Variants in BAZ2B observed in about 807,000 individuals in gnomAD.
BAZ2B encodes the protein bromodomain adjacent to zinc finger domain protein 2B.
Under a neutral mutation model 246.0 loss-of-function variants are expected in BAZ2B, and 91 were observed. The ratio of observed to expected loss-of-function variants is 0.37; its 90% confidence interval spans 0.31 to 0.44. The LOEUF (loss-of-function observed/expected upper bound fraction) is 0.44. Ranked by LOEUF, BAZ2B falls within the 20% of genes least tolerant of loss-of-function variation. The probability of loss-of-function intolerance (pLI) is 1.00; values close to 1 mark genes in which losing one functional copy is unlikely to be tolerated. For synonymous variants in BAZ2B, 855 were observed against 860.0 expected, an observed-to-expected ratio of 0.99 and a Z score of 0.10; for missense variants, 2,332 against 2,533.7, an observed-to-expected ratio of 0.92 and a Z score of 1.71.
chr2:159,610,071 G>A (rs2151812016), intron 1 of BAZ2B, among the ~76,000 whole-genome samples: 1 of 152,146 alleles, frequency 6.6e-6, no homozygotes, highest in East Asian at 1.9e-4. Flanking sequence ...CATGCACTAG[G>A]TCCATTATCA....
intron 13 of BAZ2B, among the ~76,000 whole-genome samples, chr2:159,414,533 G>A (rs2067330054): frequency 6.6e-6 from 1 of 152,094 alleles, no homozygotes; most frequent in African/African-American, 2.4e-5. Context: ...AATATCTCAT[G>A]TGGCCGGGCG....
the BAZ2B span, among the ~76,000 whole-genome samples, chr2:159,622,228 G>A: frequency 8.2e-6 from 1 of 121,370 alleles, no homozygotes; most frequent in Non-Finnish European, 1.6e-5. Flanking sequence ...TTGTGTCACT[G>A]CACTCCAGCC....
the BAZ2B span, among the ~76,000 whole-genome samples, chr2:159,627,402 C>T: frequency 6.6e-6 from 1 of 151,614 alleles, no homozygotes; most frequent in Non-Finnish European, 1.5e-5. Flanking sequence ...TGATGAACAT[C>T]AATGTGAAAA....
At chr2:159,485,037 G>GGAAATATAATGTAACCTAAAAAA (rs2079664331) in intron 2 of BAZ2B, among the ~76,000 whole-genome samples, 1 of 152,094 alleles carries the variant, frequency 6.6e-6, no homozygotes, top group African/African-American at 2.4e-5. Flanking sequence ...AGAGAAATAT[G>GGAAATATAATGTAACCTAAAAAA]ATAATTAGGA....
At chr2:159,639,450 A>G in the BAZ2B span, among the ~76,000 whole-genome samples, 1 of 152,210 alleles carries the variant, frequency 6.6e-6, no homozygotes, top group Non-Finnish European at 1.5e-5. Flanking sequence ...TAAATGATAA[A>G]ACAATCAAAA....
At chr2:159,630,096 C>T in the BAZ2B span, among the ~76,000 whole-genome samples, 1 of 152,122 alleles carries the variant, frequency 6.6e-6, no homozygotes, top group African/African-American at 2.4e-5. Flanking sequence ...TCTCATAAAA[C>T]CTGTATTGTA....
chr2:159,506,194 A>ACTAC (rs1293134327), intron 2 of BAZ2B, among the ~76,000 whole-genome samples: 15 of 152,248 alleles, frequency 9.9e-5, no homozygotes, highest in Non-Finnish European at 1.8e-4. Flanking sequence ...AGGACATGTG[A>ACTAC]CTACCTGGGT....
chr2:159,382,701 C>T lies in BAZ2B; in HGVS notation c.3863G>A (p.Arg1288His), dbSNP rs750209522. The change falls in exon 25 of 37, where the codon CGC becomes CAC. Residue 1288 changes from arginine (R) to histidine (H), a missense_variant. By Grantham distance (29) the Arg-to-His change is conservative. This residue lies in a region of BAZ2B where 328 missense variants were observed against 410.4 expected (regional missense o/e 0.80). Coordinates refer to ENST00000392783, the MANE Select transcript of BAZ2B (RefSeq NM_013450.4). Reference sequence around the variant, plus strand: ...GTCTCCTCCCTTCCTTCTTCGCTTGCGTCCTGGAGTGGGTGTGCCCAAGGG... The same window carrying T: ...GTCTCCTCCCTTCCTTCTTCGCTTGTGTCCTGGAGTGGGTGTGCCCAAGGG... ...QHPLGTPTPG[R>H]KRRRKGGDSD... is the part of the protein sequence containing the mutation. 8.1e-6 allele frequency: 13 copies of T among 1,613,038 alleles called. No homozygotes were observed. The highest frequency in any genetic ancestry group is 5.5e-5 in the South Asian group (5 of 91,012).
chr2:159,539,966 T>C (rs1484232644), intron 2 of BAZ2B, among the ~76,000 whole-genome samples: 2 of 152,154 alleles, frequency 1.3e-5, no homozygotes, highest in Non-Finnish European at 2.9e-5. Context: ...GTTATATGTA[T>C]GTTGCCCTCA....
chr2:159,528,383 G>T (rs569719156), intron 2 of BAZ2B, among the ~76,000 whole-genome samples: 1 of 152,144 alleles, frequency 6.6e-6, no homozygotes, highest in Non-Finnish European at 1.5e-5. Context: ...TTAAAAACAG[G>T]CCGAGAACAG....
intron 2 of BAZ2B, among the ~76,000 whole-genome samples, chr2:159,488,611 T>C (rs2151002403): frequency 6.6e-6 from 1 of 152,352 alleles, no homozygotes; most frequent in South Asian, 2.1e-4. Flanking sequence ...TTTGTTTTTA[T>C]ACTTTTCATT....
At chr2:159,676,279 C>T in the BAZ2B span, among the ~76,000 whole-genome samples, 66 of 152,072 alleles carry the variant, frequency 4.3e-4, no homozygotes, top group African/African-American at 1.4e-3. Flanking sequence ...GCAATCCTCC[C>T]GCCTTGGCCT....
chr2:159,460,685 G>T (rs1287846582), intron 3 of BAZ2B: 1 of 151,992 alleles, frequency 6.6e-6, no homozygotes, highest in African/African-American at 2.4e-5. Flanking sequence ...ATAGCAAAAA[G>T]AACATCATCA....
At chr2:159,586,513 T>C (rs1229907333) in intron 1 of BAZ2B, among the ~76,000 whole-genome samples, 1 of 142,652 alleles carries the variant, frequency 7.0e-6, no homozygotes, top group African/African-American at 2.4e-5. Context: ...CTAAGTTTCC[T>C]ACTGAAGAAA....
intron 25 of BAZ2B, among the ~76,000 whole-genome samples, chr2:159,381,851 C>A (rs776502396): frequency 6.6e-6 from 1 of 152,168 alleles, no homozygotes; most frequent in Non-Finnish European, 1.5e-5. Flanking sequence ...TGCTTCTGTG[C>A]CCTTGGTCAT....
chr2:159,681,103 T>G, the BAZ2B span, among the ~76,000 whole-genome samples: 1 of 152,134 alleles, frequency 6.6e-6, no homozygotes, highest in Admixed American at 6.6e-5. Flanking sequence ...AGCCTGCTAA[T>G]CTAAATTCCA....
chr2:159,614,349 TTAAA>T (rs1450148547), intron 1 of BAZ2B, among the ~76,000 whole-genome samples: 5 of 152,200 alleles, frequency 3.3e-5, no homozygotes, highest in African/African-American at 4.8e-5. Context: ...ATTCTGCCTC[TTAAA>T]TACTCAATAA....
intron 3 of BAZ2B, among the ~76,000 whole-genome samples, chr2:159,471,918 T>C (rs1232721014): frequency 1.3e-5 from 2 of 152,124 alleles, no homozygotes; most frequent in Non-Finnish European, 2.9e-5. Flanking sequence ...ACTACTGAAA[T>C]AGATTTTAAA....
intron 13 of BAZ2B, among the ~76,000 whole-genome samples, chr2:159,414,509 T>C (rs1258728620): frequency 2.0e-5 from 3 of 152,168 alleles, no homozygotes; most frequent in Non-Finnish European, 2.9e-5. Context: ...TTTTGCACTG[T>C]ATGCCTGTAT....
Sources: gnomAD v4.1 joint callset for allele counts (sites outside exome capture counted in the v4.1 genomes callset) on GRCh38, gnomAD v4.1.1 for gene constraint, gnomAD v4.1.1 regional missense constraint, MANE v1.5 for transcripts, NCBI Gene and HGNC (gene_info 2026-07-23, HGNC 2026-07-21) for gene names.